The following SORBS3 variants were observed in gnomAD, a reference collection of about 807,000 sequenced individuals.
The protein encoded by SORBS3 is vinexin.
A neutral mutation model predicts 98.0 loss-of-function variants in SORBS3; 69 were observed. The ratio of observed to expected loss-of-function variants is 0.70; its 90% confidence interval spans 0.58 to 0.86. The LOEUF is 0.86. SORBS3 is among the 40% of genes least tolerant of loss of function. The pLI is 0.00. For synonymous variants in SORBS3, 394 were observed against 355.4 expected, an observed-to-expected ratio of 1.11 and a Z score of -1.22; for missense variants, 954 against 908.5, an observed-to-expected ratio of 1.05 and a Z score of -0.64.
intron 16 of SORBS3, 37 bp from the exon 17 acceptor site, chr8:22,569,111 C>G: frequency 6.3e-7 from 1 of 1,587,686 alleles, no homozygotes; most frequent in Non-Finnish European, 8.6e-7. Flanking sequence ...ATGTTGATGC[C>G]CAGGCCAAAT....
chr8:22,561,908 C>A lies in SORBS3; in HGVS notation c.561C>A (p.Pro187=). ...LGAQQRPAHR[P]GPATSSSGRS... ...CCCAGCAAAGACCTGCCCACAGGCC[C>A]GGCCCGGCAACATCTTCCAGTGGGT... The change falls in exon 7 of 21, where the codon CCC becomes CCA. Residue 187 remains proline (P), a synonymous_variant. Coordinates refer to ENST00000240123, the MANE Select transcript of SORBS3 (RefSeq NM_005775.5). 2 of 1,614,126 alleles carry A rather than the reference C, an allele frequency of 1.2e-6. No individual in the cohort carries two copies. Among genetic ancestry groups the A allele is most frequent in the Non-Finnish European group, 1.7e-6 (2 of 1,179,948 alleles).
In SORBS3 at chr8:22,554,850, C is replaced by T. The variant is rs1563815060; in HGVS notation, c.103-13C>T. The T allele has an allele frequency of 1.3e-6, 2 of 1,579,866 alleles. No individual in the cohort carries two copies. Among genetic ancestry groups the T allele is most frequent in the South Asian group, 1.1e-5 (1 of 90,424 alleles). ...CTGGGCCCTGAGCTGCCGCTCCTGG[C>T]CCCTCCCCGCAGGTGCCCGTGATCC... is the stretch of plus-strand genomic sequence containing the variant. On this transcript the variant is annotated splice_polypyrimidine_tract_variant and intron_variant, in intron 2 of 20. Transcript: ENST00000240123. This position sits in a 1 kb window ranked among gnomAD's most constrained non-coding sequence, Gnocchi z 6.5.
At chr8:22,565,449 G>A in intron 11 of SORBS3, 95 bp downstream of exon 11, 1 of 1,009,402 alleles carries the variant, frequency 9.9e-7, no homozygotes, top group Non-Finnish European at 1.4e-6. Context: ...CGGAGGACGG[G>A]CAGCCGAGGT....
Position 22,556,742 on chromosome 8 carries a change from G to A in SORBS3, c.248G>A (p.Gly83Asp), listed in dbSNP as rs199887087. Residue 83 changes from glycine (G) to aspartate (D), a missense_variant, in exon 4 of 21, where the codon GGC becomes GAC. Gly to Asp is a moderately conservative substitution (Grantham distance 94, BLOSUM62 -1). Coordinates refer to ENST00000240123, the MANE Select transcript of SORBS3 (RefSeq NM_005775.5). ...CCTGCGTGGTATCAGACCTGGCCAG[G>A]CCCTGGGAGCAAGCCCTCTGCAAGC... ...PDPAWYQTWP[G>D]PGSKPSASTK... 9.0e-5 allele frequency: 146 copies of A among 1,613,690 alleles called. No homozygotes were observed. Among genetic ancestry groups the A allele is most frequent in the Non-Finnish European group, 1.2e-4 (139 of 1,180,038 alleles).
At chr8:22,570,875 G>C (rs767855137) in intron 17 of SORBS3, 35 bp from the exon 18 acceptor site, 1 of 1,553,110 alleles carries the variant, frequency 6.4e-7, no homozygotes, top group Admixed American at 1.8e-5. Flanking sequence ...ATGGCACCAG[G>C]AAGGCCCCAC....
chr8:22,572,860 A>G (rs551211555), intron 20 of SORBS3, among the ~76,000 whole-genome samples: 3 of 152,194 alleles, frequency 2.0e-5, no homozygotes, highest in Non-Finnish European at 4.4e-5. Context: ...GAATGGAGAA[A>G]GGTCCCAGCC....
intron 17 of SORBS3, 147 bp from the exon 18 acceptor site, chr8:22,570,763 G>A (rs952438583): frequency 3.4e-5 from 23 of 683,012 alleles, no homozygotes; most frequent in African/African-American, 1.1e-4. Context: ...TGCTCTTACC[G>A]TGTGACTCGG....
At chr8:22,566,928 G>T in intron 15 of SORBS3, 60 bp downstream of exon 15, 2 of 1,585,674 alleles carry the variant, frequency 1.3e-6, no homozygotes, top group Middle Eastern at 2.0e-4. Context: ...CCCAGAGGGG[G>T]ATGGGGAGGG....
At chr8:22,567,368 G>A (rs751921673) in intron 16 of SORBS3, among the ~76,000 whole-genome samples, 193 bp downstream of exon 16, 2 of 152,204 alleles carry the variant, frequency 1.3e-5, no homozygotes, top group African/African-American at 2.4e-5. Flanking sequence ...GCTAAATGAG[G>A]GTGGAGCCTA....
At chr8:22,560,351 C>T (rs1382288130) in intron 5 of SORBS3, among the ~76,000 whole-genome samples, 2 of 151,994 alleles carry the variant, frequency 1.3e-5, no homozygotes, top group African/African-American at 2.4e-5. Context: ...ACAAGATCAC[C>T]TAGGGAGATA....
In SORBS3 at chr8:22,566,459, C is replaced by G. The variant is rs150705192; in HGVS notation, c.1065C>G (p.Asp355Glu). 5.1e-3 allele frequency: 8,223 copies of G among 1,613,914 alleles called. 33 individuals are homozygous for G. The highest frequency in any genetic ancestry group is 6.2e-3 in the Non-Finnish European group (7,336 of 1,179,904). The change falls in exon 13 of 21, where the codon GAC (aspartate) becomes GAG (glutamate). Residue 355 changes from aspartate to glutamate, a missense_variant. By Grantham distance (45) the Asp-to-Glu change is conservative (BLOSUM62 2). Transcript: ENST00000240123. Reference sequence around the variant, plus strand: ...GAAGCCCCTTCCTAGGTCGGAGGGACTTTGTCTACCCTTCCTCAACCCGAG... The same window carrying G: ...GAAGCCCCTTCCTAGGTCGGAGGGAGTTTGTCTACCCTTCCTCAACCCGAG... ...DGGSPFLGRR[D>E]FVYPSSTRDP...
intron 17 of SORBS3, 72 bp downstream of exon 17, chr8:22,569,345 AG>A (rs746346705): frequency 0.022 from 22,789 of 1,052,128 alleles, 49 homozygotes; most frequent in South Asian, 0.044. Flanking sequence ...CACTAAAAAC[AG>A]TTTTTTTTTT....
At chr8:22,571,616 G>A in intron 18 of SORBS3, 102 bp from the exon 19 acceptor site, 1 of 817,628 alleles carries the variant, frequency 1.2e-6, no homozygotes. Flanking sequence ...AGGCGTGCTG[G>A]CAGGTGGACT....
chr8:22,565,182 C>T, intron 10 of SORBS3, 86 bp from the exon 11 acceptor site: 1 of 1,494,902 alleles, frequency 6.7e-7, no homozygotes, highest in South Asian at 1.2e-5. Flanking sequence ...GTGCGCTGGC[C>T]TTGCTTTTCA....
At chr8:22,566,775 C>A (rs149412914) in intron 14 of SORBS3, 47 bp from the exon 15 acceptor site, 1 of 1,613,494 alleles carries the variant, frequency 6.2e-7, no homozygotes, top group South Asian at 1.1e-5. Context: ...CCTGGATCTG[C>A]CACCCGCCCA....
At chr8:22,569,336 A>G in intron 17 of SORBS3, 63 bp downstream of exon 17, 3 of 1,378,680 alleles carry the variant, frequency 2.2e-6, no homozygotes, top group Non-Finnish European at 2.9e-6. Flanking sequence ...AAATATGTGC[A>G]CTAAAAACAG....
Position 22,564,392 on chromosome 8 carries a change from G to C in SORBS3, c.762+23G>C, listed in dbSNP as rs148228152. Reference sequence around the variant, plus strand: ...AGGGTGAGTGCTGGCTGGCTCTCGGGGTGTGCACGCACCCTCAGCTGATAC... The same window carrying C: ...AGGGTGAGTGCTGGCTGGCTCTCGGCGTGTGCACGCACCCTCAGCTGATAC... On this transcript the variant is annotated intron_variant, in intron 9 of 20. Transcript: ENST00000240123. 3.9e-5 allele frequency: 63 copies of C among 1,613,530 alleles called. No homozygotes were observed. In the African/African-American group the frequency reaches 5.7e-4, roughly 15 times the overall value.
At chr8:22,565,487 C>G (rs1187992443) in intron 11 of SORBS3, 133 bp downstream of exon 11, 3 of 715,668 alleles carry the variant, frequency 4.2e-6, no homozygotes, top group Admixed American at 4.5e-5. Context: ...GCACCGGCCT[C>G]GGGCCCTCCT....
chr8:22,571,080 C>T lies in SORBS3; in HGVS notation c.1602C>T (p.Thr534=), dbSNP rs200980203. ...GPQLPTSPRL[T]AAARSARHPS... ...AGCTCCCCACGTCTCCCCGCCTGACCGCTGCCGCCCGCTCAGCCCGTCACC... is the reference window on the plus strand; with the variant it reads ...AGCTCCCCACGTCTCCCCGCCTGACTGCTGCCGCCCGCTCAGCCCGTCACC... Residue 534 remains threonine, a synonymous_variant, in exon 18 of 21, where the codon ACC becomes ACT. Transcript: ENST00000240123. 3.6e-5 allele frequency: 58 copies of T among 1,611,998 alleles called. No homozygotes were observed. The highest frequency in any genetic ancestry group is 2.0e-4 in the East Asian group (9 of 44,866).
Sources: gnomAD v4.1 joint callset for allele counts (sites outside exome capture counted in the v4.1 genomes callset) on GRCh38, gnomAD v4.1.1 for gene constraint, Gnocchi (gnomAD v3.1) non-coding constraint, MANE v1.5 for transcripts, NCBI Gene and HGNC (gene_info 2026-07-23, HGNC 2026-07-21) for gene names.